Variants in CEP164 observed in about 807,000 individuals in gnomAD.
CEP164 encodes the protein centrosomal protein 164.
In CEP164, 162 loss-of-function variants were observed where a neutral mutation model predicts 182.7. The observed-to-expected ratio is 0.89, with a 90% CI of 0.78 to 1.01. The LOEUF is 1.01. CEP164 is among the 50% of genes least tolerant of loss of function. CEP164 has a pLI of 0.00. For missense variants in CEP164, 1,735 were observed against 1,790.4 expected (o/e 0.97, Z 0.56); for synonymous variants, 661 against 690.0 (o/e 0.96, Z 0.66).
chr11:117,361,753 T>C, intron 5 of CEP164, 82 bp from the exon 6 acceptor site: 3 of 1,413,498 alleles, frequency 2.1e-6, no homozygotes, highest in Non-Finnish European at 3.0e-6. Flanking sequence ...AGGATTTAGA[T>C]GTTTTATTTT....
At chr11:117,326,373 C>T (rs981897668), upstream of CEP164, among the ~76,000 whole-genome samples, 3 of 152,232 alleles carry the variant, frequency 2.0e-5, no homozygotes, top group South Asian at 6.2e-4. Flanking sequence ...GCTGGGACTA[C>T]AGGCGTGTGC....
intron 8 of CEP164, among the ~76,000 whole-genome samples, chr11:117,366,871 G>T (rs192425408): frequency 6.6e-6 from 1 of 152,076 alleles, no homozygotes; most frequent in Non-Finnish European, 1.5e-5. Flanking sequence ...TGGCTTTTGG[G>T]GGGCATGTTA....
intron 2 of CEP164, among the ~76,000 whole-genome samples, chr11:117,338,197 G>A (rs2037514573): frequency 6.6e-6 from 1 of 152,186 alleles, no homozygotes; most frequent in Non-Finnish European, 1.5e-5. Context: ...AGATGTGCTG[G>A]TGTATGGGGG....
At chr11:117,365,061 T>C (rs1369528314) in intron 8 of CEP164, among the ~76,000 whole-genome samples, 1 of 152,214 alleles carries the variant, frequency 6.6e-6, no homozygotes, top group African/African-American at 2.4e-5. Flanking sequence ...TATTTTCTTC[T>C]CCACCACCAG....
At chr11:117,373,035 C>T (rs12788421) in intron 9 of CEP164, among the ~76,000 whole-genome samples, 1 of 152,154 alleles carries the variant, frequency 6.6e-6, no homozygotes, top group Non-Finnish European at 1.5e-5. Flanking sequence ...ACCCTTAGTC[C>T]TATTCCTCCT....
intron 27 of CEP164, among the ~76,000 whole-genome samples, chr11:117,406,855 G>C (rs768412251): frequency 1.3e-5 from 2 of 152,142 alleles, no homozygotes; most frequent in African/African-American, 4.8e-5. Flanking sequence ...CAGCACTTTG[G>C]GAGGCCGGGG....
At chr11:117,367,676 G>A (rs1273472080) in intron 8 of CEP164, among the ~76,000 whole-genome samples, 1 of 152,138 alleles carries the variant, frequency 6.6e-6, no homozygotes, top group Non-Finnish European at 1.5e-5. Flanking sequence ...TTTATTTTAA[G>A]TTCAGGGGTA....
intron 3 of CEP164, among the ~76,000 whole-genome samples, chr11:117,341,694 C>T (rs1169075985): frequency 6.6e-6 from 1 of 152,070 alleles, no homozygotes; most frequent in Non-Finnish European, 1.5e-5. Context: ...AATCCACCCA[C>T]CTCAGTCTCC....
chr11:117,351,942 A>AT lies in CEP164; in HGVS notation c.347_348insT (p.Lys116AsnfsTer89), dbSNP rs1565455033. ...GCCATTAAGAAGAAGAAAAAAAAAA[A>AT]GGAAAAGAAAGACAAGAAGGACAGA... On this transcript the variant is annotated frameshift_variant, in exon 5 of 33. Coordinates refer to ENST00000278935, the MANE Select transcript of CEP164 (RefSeq NM_014956.5). LOFTEE classifies it high-confidence loss of function. 1.2e-6 allele frequency: 2 copies of AT among 1,609,800 alleles called. No homozygotes were observed. Among genetic ancestry groups the AT allele is most frequent in the Non-Finnish European group, 1.7e-6 (2 of 1,178,158 alleles).
At chr11:117,356,280 G>C in intron 5 of CEP164, 1 of 1,102,496 alleles carries the variant, frequency 9.1e-7, no homozygotes, top group Non-Finnish European at 1.1e-6. Flanking sequence ...AAGATCTCCA[G>C]GTGGCCGGAG....
Position 117,396,097 on chromosome 11 carries a change from G to C in CEP164, c.3133G>C (p.Glu1045Gln), listed in dbSNP as rs752093126. ...TCAAAAGAAGCAGCACCTGTTGAGA[G>C]AAGTGACAGTTGAGGAAAATAATGC... is the stretch of plus-strand genomic sequence containing the variant. ...EAQKKQHLLREVTVEENNASP... is the reference protein window; with the variant it reads ...EAQKKQHLLRQVTVEENNASP... Residue 1045 changes from glutamate to glutamine, a missense_variant, in exon 25 of 33, where the codon GAA becomes CAA. Coordinates refer to ENST00000278935, the MANE Select transcript of CEP164 (RefSeq NM_014956.5). The C allele has an allele frequency of 6.2e-7, 1 of 1,610,650 alleles. No individual in the cohort carries two copies. The highest frequency in any genetic ancestry group is 1.3e-5 in the African/African-American group (1 of 74,802).
At position 117,356,237 on chromosome 11, in the gene CEP164, C is replaced by A. The variant is rs572260644; in HGVS notation, c.393+4249C>A. On this transcript the variant is annotated intron_variant, in intron 5 of 32. Transcript: ENST00000278935. ...AGAAAGTGAAGACTACTCTGAGGAC[C>A]AGAGGTTCTACCAGCACATCCTGCA... 4.8e-4 allele frequency: 530 copies of A among 1,098,540 alleles called. 3 individuals carry two copies. The highest frequency in any genetic ancestry group is 1.7e-3 in the Middle Eastern group (4 of 2,318). 68.0% of individuals were successfully genotyped at this position (1,098,540 alleles called of 1,614,324 possible). A position where few individuals can be genotyped will look rare whatever the true frequency, so the allele number is the denominator to read the frequency against.
At chr11:117,326,985 C>T (rs141827012), upstream of CEP164, among the ~76,000 whole-genome samples, 1 of 152,192 alleles carries the variant, frequency 6.6e-6, no homozygotes, top group Non-Finnish European at 1.5e-5. Context: ...TAAAACTCTT[C>T]GGAATTATAT....
At chr11:117,383,272 A>C (rs2043547164) in intron 14 of CEP164, among the ~76,000 whole-genome samples, 1 of 152,208 alleles carries the variant, frequency 6.6e-6, no homozygotes, top group Non-Finnish European at 1.5e-5. Context: ...CTCTTCAAAA[A>C]TGTTGTTGAG....
At chr11:117,398,515 C>T (rs1334815053) in intron 27 of CEP164, among the ~76,000 whole-genome samples, 1 of 152,228 alleles carries the variant, frequency 6.6e-6, no homozygotes, top group Non-Finnish European at 1.5e-5. Flanking sequence ...ACTGCCCTAG[C>T]AGAAGTTCTC....
chr11:117,412,349 C>G lies in CEP164; in HGVS notation c.*181C>G, dbSNP rs2047448230. 1 of 546,100 alleles carries G rather than the reference C, an allele frequency of 1.8e-6. No individual in the cohort carries two copies. Among genetic ancestry groups the G allele is most frequent in the Admixed American group, 3.4e-5 (1 of 29,748 alleles). 33.8% of individuals were successfully genotyped at this position (546,100 alleles called of 1,614,324 possible). On this transcript the variant is annotated 3_prime_UTR_variant, in exon 33 of 33. Coordinates refer to ENST00000278935, the MANE Select transcript of CEP164 (RefSeq NM_014956.5). ...GCCACACATTCTGTGACTATATAAC[C>G]TATCTCAGGCTAAAATGTGTGGACT...
At chr11:117,349,176 C>G (rs1237630654) in intron 4 of CEP164, among the ~76,000 whole-genome samples, 2 of 152,026 alleles carry the variant, frequency 1.3e-5, no homozygotes, top group African/African-American at 2.4e-5. Flanking sequence ...GCACGTGCCA[C>G]CATGCCCGGG....
chr11:117,397,105 A>G lies in CEP164; in HGVS notation c.3293A>G (p.Asn1098Ser). The stretch of plus-strand genomic sequence containing the variant: ...TCCTGCTCCAGCCTGTCCTCCCACA[A>G]TGTCTGGCACCTCCTCTCTGCTGAG... ...DLYLDSLSSH[N>S]VWHLLSAEGV... The change falls in exon 27 of 33, where the codon AAT becomes AGT. Residue 1098 changes from asparagine (N) to serine (S), a missense_variant. Physicochemically the swap from Asn to Ser is conservative, Grantham distance 46. Transcript: ENST00000278935. 2.5e-6 allele frequency: 4 copies of G among 1,613,960 alleles called. No individual in the cohort carries two copies. Among genetic ancestry groups the G allele is most frequent in the Non-Finnish European group, 3.4e-6 (4 of 1,179,916 alleles).
At chr11:117,396,504 T>C in intron 25 of CEP164, 46 bp from the exon 26 acceptor site, 1 of 1,522,554 alleles carries the variant, frequency 6.6e-7, no homozygotes, top group African/African-American at 1.4e-5. Context: ...CTGCAGGGTG[T>C]CTGCTTTTGC....
Sources: gnomAD v4.1 joint callset for allele counts (sites outside exome capture counted in the v4.1 genomes callset) on GRCh38, gnomAD v4.1.1 for gene constraint, MANE v1.5 for transcripts, NCBI Gene and HGNC (gene_info 2026-07-23, HGNC 2026-07-21) for gene names.